The following ADCY2 variants were observed in gnomAD, a reference collection of about 807,000 sequenced individuals.
ADCY2 encodes adenylate cyclase 2.
A neutral mutation model predicts 125.2 loss-of-function variants in ADCY2; 31 were observed. The ratio of observed to expected loss-of-function variants is 0.25; its 90% CI spans 0.19 to 0.33. ADCY2 has a LOEUF of 0.33. ADCY2 is among the 10% of genes least tolerant of loss of function. The probability of loss-of-function intolerance (pLI) is 1.00; values close to 1 mark genes in which losing one functional copy is unlikely to be tolerated. For synonymous variants in ADCY2, 512 were observed against 548.4 expected, an observed-to-expected ratio of 0.93 and a Z score of 0.93; for missense variants, 904 against 1,418.2, an observed-to-expected ratio of 0.64 and a Z score of 5.82.
intron 4 of ADCY2, among the ~76,000 whole-genome samples, chr5:7,628,961 C>G (rs1215490108): frequency 6.6e-6 from 1 of 152,172 alleles, no homozygotes; most frequent in Admixed American, 6.5e-5. Flanking sequence ...GGCCACTGAT[C>G]AAATTCAGGT....
At chr5:7,576,059 T>A (rs140416791) in intron 3 of ADCY2, among the ~76,000 whole-genome samples, 1 of 152,350 alleles carries the variant, frequency 6.6e-6, no homozygotes, top group East Asian at 1.9e-4. Flanking sequence ...TGGCTGGGTA[T>A]GATGTTCTGG....
At position 7,598,199 on chromosome 5, in the gene ADCY2, C is replaced by T. The variant is rs74324605; in HGVS notation, c.571-27968C>T. 9.2e-3 allele frequency among the ~76,000 whole-genome samples: 1,400 copies of T among 152,176 alleles called. 13 individuals are homozygous for T. Among genetic ancestry groups the T allele is most frequent in the Non-Finnish European group, 0.016 (1,066 of 68,002 alleles). On this transcript the variant is annotated intron_variant, in intron 3 of 24. Transcript: ENST00000338316. ...CTGTGCTGAGTCCTACAGTCACTTC[C>T]GTAGTGGCCAAACGTTAGAGAAAGG... is the stretch of plus-strand genomic sequence containing the variant.
chr5:7,658,876 T>C (rs1346774389), intron 4 of ADCY2, among the ~76,000 whole-genome samples: 1 of 152,144 alleles, frequency 6.6e-6, no homozygotes, highest in Non-Finnish European at 1.5e-5. Flanking sequence ...AAATAACTCT[T>C]TTTTTTCGAA....
intron 4 of ADCY2, among the ~76,000 whole-genome samples, chr5:7,673,796 G>T (rs906895798): frequency 2.4e-4 from 36 of 152,134 alleles, no homozygotes; most frequent in African/African-American, 8.7e-4. Flanking sequence ...CCTCAGAGCA[G>T]GGCTGGGAGG....
intron 14 of ADCY2, among the ~76,000 whole-genome samples, chr5:7,735,861 C>T (rs192667527): frequency 6.6e-6 from 1 of 152,272 alleles, no homozygotes; most frequent in Admixed American, 6.5e-5. Context: ...CCTTCCCTTC[C>T]ATTTTATGGA....
At chr5:7,740,389 C>A (rs989875553) in intron 14 of ADCY2, among the ~76,000 whole-genome samples, 9 of 151,950 alleles carry the variant, frequency 5.9e-5, no homozygotes, top group Non-Finnish European at 1.2e-4. Context: ...AACCTACACT[C>A]CTAGTTGGAA....
At chr5:7,628,737 G>A (rs1202842020) in intron 4 of ADCY2, among the ~76,000 whole-genome samples, 3 of 151,906 alleles carry the variant, frequency 2.0e-5, no homozygotes, top group African/African-American at 2.4e-5. Flanking sequence ...TTAGGGCTTC[G>A]GAGAATATGT....
rs748528690 is a variant in ADCY2 at position 7,414,593 on chromosome 5, G to A, written c.231G>A (p.Ala77=). ...CTCAGGAAGTTGAAGACCATGTGGC[G>A]TTTCTAATAACAGTTCCAACTGCCC... is the stretch of plus-strand genomic sequence containing the variant. ...ALGLEVEDHV[A]FLITVPTALA... is the part of the protein sequence containing the mutation. Residue 77 remains alanine, a synonymous_variant, in exon 2 of 25, where the codon GCG becomes GCA. Transcript: ENST00000338316. 2.7e-5 allele frequency: 43 copies of A among 1,610,708 alleles called. No individual in the cohort carries two copies. Among genetic ancestry groups the A allele is most frequent in the Admixed American group, 2.5e-4 (15 of 59,214 alleles).
At chr5:7,470,033 TTAAA>T (rs1332054980) in intron 2 of ADCY2, among the ~76,000 whole-genome samples, 1 of 151,872 alleles carries the variant, frequency 6.6e-6, no homozygotes, top group Non-Finnish European at 1.5e-5. Flanking sequence ...TGTGCATATT[TTAAA>T]TAATTGGCCA....
chr5:7,531,178 A>G (rs1734627865), intron 3 of ADCY2, among the ~76,000 whole-genome samples: 1 of 152,182 alleles, frequency 6.6e-6, no homozygotes, highest in Admixed American at 6.5e-5. Context: ...AAGAGTAGGC[A>G]TATAGAGAGC....
chr5:7,598,048 G>A (rs1404335761), intron 3 of ADCY2, among the ~76,000 whole-genome samples: 1 of 152,134 alleles, frequency 6.6e-6, no homozygotes, highest in Non-Finnish European at 1.5e-5. Flanking sequence ...ACACATAAAT[G>A]TACATAATTA....
chr5:7,804,069 A>AGAGAGAGAGAGAGAGCGAGC (rs1553990875), intron 21 of ADCY2, among the ~76,000 whole-genome samples: 1 of 140,444 alleles, frequency 7.1e-6, no homozygotes, highest in Non-Finnish European at 1.5e-5. Flanking sequence ...AGAGAGAGAG[A>AGAGAGAGAGAGAGAGCGAGC]GAGAGCTGGT....
chr5:7,669,767 G>A (rs933904110), intron 4 of ADCY2, among the ~76,000 whole-genome samples: 2 of 152,152 alleles, frequency 1.3e-5, no homozygotes, highest in Non-Finnish European at 2.9e-5. Flanking sequence ...CACTGCTGCC[G>A]GCAATGGGGA....
intron 20 of ADCY2, among the ~76,000 whole-genome samples, chr5:7,791,198 C>A (rs13155467): frequency 0.31 from 47,667 of 151,804 alleles, 8,687 homozygotes; most frequent in Non-Finnish European, 0.42. Context: ...TCTTGCATGA[C>A]TCAGTTCCCA....
chr5:7,524,089 T>C (rs746568996), intron 3 of ADCY2, among the ~76,000 whole-genome samples: 1 of 152,206 alleles, frequency 6.6e-6, no homozygotes, highest in Non-Finnish European at 1.5e-5. Flanking sequence ...TTTACCAGCA[T>C]TTGCCTTGAA....
intron 2 of ADCY2, among the ~76,000 whole-genome samples, chr5:7,432,439 C>T (rs1740638794): frequency 1.3e-5 from 2 of 152,192 alleles, no homozygotes; most frequent in African/African-American, 4.8e-5. Context: ...GGGTTACCCA[C>T]TAGATGCTGC....
intron 3 of ADCY2, among the ~76,000 whole-genome samples, chr5:7,543,766 C>T (rs961030407): frequency 3.3e-5 from 5 of 151,996 alleles, no homozygotes; most frequent in African/African-American, 9.7e-5. Context: ...GTAATCCCAG[C>T]ACTTTGGGAG....
intron 15 of ADCY2, among the ~76,000 whole-genome samples, chr5:7,747,292 T>G (rs187147938): frequency 3.8e-4 from 58 of 152,372 alleles, no homozygotes; most frequent in African/African-American, 1.3e-3. Flanking sequence ...ACAATCTGTG[T>G]CACGTAGCTT....
intron 7 of ADCY2, among the ~76,000 whole-genome samples, chr5:7,701,081 T>C (rs1277491679): frequency 6.6e-6 from 1 of 152,146 alleles, no homozygotes; most frequent in Non-Finnish European, 1.5e-5. Context: ...AGTGGAACTA[T>C]TGGATTGAAA....
Sources: allele counts gnomAD v4.1 joint callset (sites outside exome capture counted in the v4.1 genomes callset), GRCh38; gene constraint gnomAD v4.1.1; transcripts MANE v1.5; gene names NCBI Gene and HGNC (gene_info 2026-07-23, HGNC 2026-07-21).